The following LAMA2 variants were observed in gnomAD, a reference collection of about 807,000 sequenced individuals.
LAMA2 encodes laminin subunit alpha 2, also known as laminin subunit alpha-2.
Under a neutral mutation model 364.8 loss-of-function variants are expected in LAMA2, and 269 were observed. That is an observed-to-expected ratio of 0.74 (90% CI 0.67 to 0.82). The LOEUF (loss-of-function observed/expected upper bound fraction) is 0.82. Ranked by LOEUF, LAMA2 falls within the 40% of genes least tolerant of loss-of-function variation. LAMA2 has a pLI of 0.00. For missense variants in LAMA2, 3,807 were observed against 3,873.2 expected (o/e 0.98, Z 0.45); for synonymous variants, 1,379 against 1,370.6 (o/e 1.01, Z -0.14).
At chr6:129,345,209 A>C (rs1176465537) in intron 30 of LAMA2, among the ~76,000 whole-genome samples, 1 of 152,130 alleles carries the variant, frequency 6.6e-6, no homozygotes, top group Non-Finnish European at 1.5e-5. Flanking sequence ...AAGGGGAGGA[A>C]TAGTTGGTTC....
chr6:129,514,296 G>A (rs1366015647), intron 63 of LAMA2, 77 bp from the exon 64 acceptor site: 4 of 1,048,684 alleles, frequency 3.8e-6, no homozygotes, highest in Non-Finnish European at 4.4e-6. Flanking sequence ...CTAGAGACCT[G>A]ATCATTTGTA....
chr6:129,483,394 T>C (rs2114843537), intron 55 of LAMA2, among the ~76,000 whole-genome samples: 1 of 152,142 alleles, frequency 6.6e-6, no homozygotes, highest in South Asian at 2.1e-4. Context: ...AGAACAAATA[T>C]ATAATTTAAG....
chr6:129,486,661 G>A (rs371453899), intron 56 of LAMA2, 39 bp downstream of exon 56: 7 of 1,587,384 alleles, frequency 4.4e-6, no homozygotes, highest in Non-Finnish European at 6.1e-6. Flanking sequence ...TGTAACTCAG[G>A]TGAACTTCCT....
chr6:129,221,276 A>G (rs931146150), intron 12 of LAMA2, among the ~76,000 whole-genome samples: 3 of 151,182 alleles, frequency 2.0e-5, no homozygotes, highest in Admixed American at 2.0e-4. Flanking sequence ...TAAGAAAAGC[A>G]TAATTGATTA....
At chr6:129,092,715 T>C (rs1454912833) in intron 3 of LAMA2, among the ~76,000 whole-genome samples, 1 of 152,240 alleles carries the variant, frequency 6.6e-6, no homozygotes. Flanking sequence ...AGACACATGC[T>C]GTTCTCTTGA....
chr6:129,005,924 A>C (rs1394379492), intron 1 of LAMA2, among the ~76,000 whole-genome samples: 3 of 151,710 alleles, frequency 2.0e-5, no homozygotes, highest in East Asian at 1.9e-4. Context: ...TGTTTGGGTA[A>C]TTAATATTTT....
At chr6:129,124,966 C>T (rs746417253) in intron 4 of LAMA2, among the ~76,000 whole-genome samples, 1 of 152,092 alleles carries the variant, frequency 6.6e-6, no homozygotes. Flanking sequence ...CACAGCAACT[C>T]GGGACAAATG....
At chr6:129,152,271 T>C (rs572542722) in intron 7 of LAMA2, among the ~76,000 whole-genome samples, 3 of 152,282 alleles carry the variant, frequency 2.0e-5, no homozygotes, top group African/African-American at 7.2e-5. Context: ...CAACAAATAT[T>C]TGAATGCTTA....
intron 51 of LAMA2, among the ~76,000 whole-genome samples, chr6:129,468,769 A>AG (rs1383189244): frequency 6.6e-6 from 1 of 151,962 alleles, no homozygotes; most frequent in Non-Finnish European, 1.5e-5. Context: ...TTTATTAAAT[A>AG]CCAACTATGC....
chr6:129,367,801 C>T (rs1276173909), intron 33 of LAMA2, among the ~76,000 whole-genome samples: 1 of 152,168 alleles, frequency 6.6e-6, no homozygotes, highest in Non-Finnish European at 1.5e-5. Flanking sequence ...ATAGCTTTTA[C>T]AGAAACTCCA....
chr6:129,434,198 C>G (rs138405120), intron 41 of LAMA2, among the ~76,000 whole-genome samples: 2 of 152,262 alleles, frequency 1.3e-5, no homozygotes, highest in African/African-American at 2.4e-5. Context: ...CAACTCTGCC[C>G]TGCGATTTTT....
chr6:129,273,175 A>G (rs575177372), intron 17 of LAMA2, among the ~76,000 whole-genome samples: 2 of 152,334 alleles, frequency 1.3e-5, no homozygotes, highest in Admixed American at 6.5e-5. Flanking sequence ...CAAGCCTATG[A>G]TAGTCATAAC....
intron 1 of LAMA2, among the ~76,000 whole-genome samples, chr6:128,987,335 G>A (rs116511861): frequency 0.017 from 2,537 of 151,728 alleles, 50 homozygotes; most frequent in African/African-American, 0.049. Context: ...GTAGAGACGG[G>A]TTTCACCATT....
intron 1 of LAMA2, among the ~76,000 whole-genome samples, chr6:128,966,025 C>CT: frequency 8.4e-6 from 1 of 118,990 alleles, no homozygotes; most frequent in Non-Finnish European, 1.7e-5. Flanking sequence ...TTCTAAAACA[C>CT]TTTTTAGGAT....
intron 51 of LAMA2, 55 bp from the exon 52 acceptor site, chr6:129,473,159 T>C: frequency 1.5e-6 from 2 of 1,372,416 alleles, no homozygotes; most frequent in Admixed American, 1.7e-5. Flanking sequence ...AATGATGATA[T>C]AGATGTGGTT....
At chr6:129,078,132 ATTT>A (rs10711821) in intron 3 of LAMA2, among the ~76,000 whole-genome samples, 1 of 145,036 alleles carries the variant, frequency 6.9e-6, no homozygotes, top group Admixed American at 6.8e-5. Context: ...AAATCTCTGT[ATTT>A]TTTTTTTTTT....
chr6:129,069,143 T>G (rs1773135848), intron 3 of LAMA2, among the ~76,000 whole-genome samples: 1 of 151,954 alleles, frequency 6.6e-6, no homozygotes, highest in African/African-American at 2.4e-5. Flanking sequence ...ATAGGAGATC[T>G]GTTAAAAAAT....
intron 9 of LAMA2, among the ~76,000 whole-genome samples, chr6:129,166,145 A>G (rs1205945785): frequency 6.6e-6 from 1 of 152,222 alleles, no homozygotes; most frequent in African/African-American, 2.4e-5. Context: ...AAGTGTTCAT[A>G]AAGGACTAAG....
intron 4 of LAMA2, among the ~76,000 whole-genome samples, chr6:129,100,985 A>G (rs1452251015): frequency 2.6e-5 from 4 of 152,226 alleles, no homozygotes; most frequent in Non-Finnish European, 5.9e-5. Flanking sequence ...TATCCAGACA[A>G]AGTAGCTGTG....
Sources: allele counts gnomAD v4.1 joint callset (sites outside exome capture counted in the v4.1 genomes callset), GRCh38; gene constraint gnomAD v4.1.1; transcripts MANE v1.5; gene names NCBI Gene and HGNC (gene_info 2026-07-23, HGNC 2026-07-21).